FILIP1L: variants seen among roughly 807,000 people sequenced by gnomAD.
FILIP1L encodes filamin A interacting protein 1 like.
A neutral mutation model predicts 96.6 loss-of-function variants in FILIP1L; 55 were observed. The observed-to-expected ratio is 0.57, with a 90% confidence interval of 0.46 to 0.71. The LOEUF (loss-of-function observed/expected upper bound fraction) is 0.71, where lower values mean the gene tolerates loss of function less well. FILIP1L is among the 30% of genes least tolerant of loss of function. The pLI, the probability that FILIP1L is intolerant of heterozygous loss-of-function variation, is 0.00. For missense variants in FILIP1L, 1,304 were observed against 1,321.2 expected (o/e 0.99, Z 0.20); for synonymous variants, 467 against 473.9 (o/e 0.99, Z 0.19).
At chr3:99,925,862 G>T in intron 3 of FILIP1L, 2 of 985,418 alleles carry the variant, frequency 2.0e-6, no homozygotes, top group Non-Finnish European at 2.4e-6. Context: ...CACTGGGCTG[G>T]TTTATCAGCT....
At position 99,971,504 on chromosome 3, in the gene FILIP1L, G is replaced by T. The variant is rs1184910115; in HGVS notation, c.-10-40474C>A. On this transcript the variant is annotated intron_variant, in intron 1 of 5. Transcript: ENST00000477258. ...TACTGGTATGGGACTCAGGAATGAG[G>T]TCTCACAGGAGATGCAGATGAAAAT... is the stretch of plus-strand genomic sequence containing the variant. 4.6e-5 allele frequency among the ~76,000 whole-genome samples: 7 copies of T among 152,318 alleles called. 1 individual carries two copies. The South Asian group carries it at 1.2e-3, about 27-fold the overall frequency.
chr3:99,959,064 T>C (rs1246850941), intron 1 of FILIP1L, among the ~76,000 whole-genome samples: 1 of 152,234 alleles, frequency 6.6e-6, no homozygotes, highest in Non-Finnish European at 1.5e-5. Context: ...TGTAACAGAA[T>C]TTGAAAACAC....
chr3:99,942,117 C>T lies in FILIP1L; in HGVS notation c.-10-11087G>A, dbSNP rs1369835485. 2.0e-5 allele frequency among the ~76,000 whole-genome samples: 3 copies of T among 151,612 alleles called. No individual in the cohort carries two copies. The East Asian group carries it at 5.8e-4, about 29-fold the overall frequency. ...CTGTAGTCCTGAGGCAGGAGAATGG[C>T]GTGAACCTGGGAGGTGGAGCTTTGT... On this transcript the variant is annotated intron_variant, in intron 1 of 5. Transcript: ENST00000477258.
chr3:99,893,829 T>C (rs146635240), intron 4 of FILIP1L, among the ~76,000 whole-genome samples: 1 of 152,316 alleles, frequency 6.6e-6, no homozygotes, highest in Non-Finnish European at 1.5e-5. Context: ...AAAAATATCT[T>C]TAGGTTTTAC....
At chr3:100,061,080 A>G (rs1035941112) in intron 1 of FILIP1L, among the ~76,000 whole-genome samples, 3 of 152,106 alleles carry the variant, frequency 2.0e-5, no homozygotes, top group Non-Finnish European at 2.9e-5. Context: ...TGGCCAATAG[A>G]TGTGCACATA....
Position 99,856,596 on chromosome 3 carries a change from T to A in FILIP1L, c.606-5526A>T, listed in dbSNP as rs1943979145. 1.3e-5 allele frequency among the ~76,000 whole-genome samples: 2 copies of A among 152,240 alleles called. 1 individual carries two copies. The highest frequency in any genetic ancestry group is 4.1e-4 in the South Asian group (2 of 4,828). Reference sequence around the variant, plus strand: ...TACAGCTTTCCGTTAGAGTTTCTACTATGGCTCAGAATTGTTATAACTTAC... The same window carrying A: ...TACAGCTTTCCGTTAGAGTTTCTACAATGGCTCAGAATTGTTATAACTTAC... On this transcript the variant is annotated intron_variant, in intron 4 of 5. Transcript: ENST00000477258.
chr3:99,979,832 A>T (rs1321771296), intron 1 of FILIP1L, among the ~76,000 whole-genome samples: 1 of 152,212 alleles, frequency 6.6e-6, no homozygotes, highest in Non-Finnish European at 1.5e-5. Flanking sequence ...GGGAGACAAG[A>T]TGAGTTCACA....
At chr3:99,895,907 A>G (rs1020162595) in intron 4 of FILIP1L, among the ~76,000 whole-genome samples, 3 of 152,220 alleles carry the variant, frequency 2.0e-5, no homozygotes, top group South Asian at 2.1e-4. Context: ...AGGGCTGGAC[A>G]AAGGAACCCA....
chr3:99,847,681 A>T (rs1433781590), intron 5 of FILIP1L, among the ~76,000 whole-genome samples: 2 of 152,212 alleles, frequency 1.3e-5, no homozygotes, highest in Admixed American at 6.5e-5. Context: ...ATATATCCCA[A>T]GCATGAAGTT....
chr3:100,067,050 G>C (rs17314998), intron 1 of FILIP1L, among the ~76,000 whole-genome samples: 1 of 152,110 alleles, frequency 6.6e-6, no homozygotes, highest in Non-Finnish European at 1.5e-5. Context: ...AAGGGCAAGC[G>C]TGGACTGTGA....
chr3:99,833,631 T>G (rs1043954736), intron 5 of FILIP1L, among the ~76,000 whole-genome samples: 1 of 152,246 alleles, frequency 6.6e-6, no homozygotes, highest in Non-Finnish European at 1.5e-5. Flanking sequence ...TGTAAGTGCT[T>G]TGAACTTTTT....
Position 100,023,164 on chromosome 3 carries a change from A to G in FILIP1L, c.-11+90889T>C, listed in dbSNP as rs560305762. Among the ~76,000 whole-genome samples, 5 of 152,342 alleles carry G rather than the reference A, an allele frequency of 3.3e-5. No individual in the cohort carries two copies. In the East Asian group the frequency reaches 7.7e-4, roughly 24 times the overall value. On this transcript the variant is annotated intron_variant, in intron 1 of 5. Coordinates refer to ENST00000477258, the MANE Select transcript of FILIP1L (RefSeq NM_001387850.1). Reference sequence around the variant, plus strand: ...TATGTGCTACCTTCTGGCCCAGACCAGGTGGCTGGGTGTAGATGGACGTTG... The same window carrying G: ...TATGTGCTACCTTCTGGCCCAGACCGGGTGGCTGGGTGTAGATGGACGTTG...
At chr3:99,923,571 C>A (rs1046905742) in intron 4 of FILIP1L, among the ~76,000 whole-genome samples, 5 of 152,160 alleles carry the variant, frequency 3.3e-5, no homozygotes, top group African/African-American at 9.7e-5. Context: ...CATGCGCACA[C>A]CCCCCTCCCA....
intron 1 of FILIP1L, among the ~76,000 whole-genome samples, chr3:100,056,959 G>A (rs754883884): frequency 4.6e-5 from 7 of 152,002 alleles, no homozygotes; most frequent in South Asian, 2.1e-4. Context: ...AGCCGAGATC[G>A]CACCACTGCA....
intron 1 of FILIP1L, among the ~76,000 whole-genome samples, chr3:100,073,365 T>C (rs2065793179): frequency 6.6e-6 from 1 of 152,194 alleles, no homozygotes; most frequent in South Asian, 2.1e-4. Flanking sequence ...AAAAAAAGTT[T>C]GCTGGCCCAG....
In FILIP1L at chr3:99,929,844, T is replaced by C. The variant is rs779333764; in HGVS notation, c.426+12A>G. On this transcript the variant is annotated intron_variant, in intron 3 of 5. Coordinates refer to ENST00000477258, the MANE Select transcript of FILIP1L (RefSeq NM_001387850.1). ...CTGCCTCCCAGGTACACACCCCTATTGTGGTACATACCTCATTCATTGGTT... is the reference window on the plus strand; with the variant it reads ...CTGCCTCCCAGGTACACACCCCTATCGTGGTACATACCTCATTCATTGGTT... 17 of 1,602,100 alleles carry C rather than the reference T, an allele frequency of 1.1e-5. No individual in the cohort carries two copies. The highest frequency in any genetic ancestry group is 1.4e-5 in the Non-Finnish European group (16 of 1,174,184).
intron 1 of FILIP1L, among the ~76,000 whole-genome samples, chr3:100,065,477 T>C (rs752662001): frequency 6.6e-6 from 1 of 152,212 alleles, no homozygotes; most frequent in African/African-American, 2.4e-5. Context: ...CCACATATTG[T>C]CTGTATCCTC....
chr3:100,097,518 T>C (rs2066231960), intron 1 of FILIP1L, among the ~76,000 whole-genome samples: 1 of 152,228 alleles, frequency 6.6e-6, no homozygotes, highest in South Asian at 2.1e-4. Context: ...TATATCTCTC[T>C]ATTTTTAGAT....
intron 5 of FILIP1L, among the ~76,000 whole-genome samples, chr3:99,844,256 G>GC (rs544471854): frequency 9.0e-4 from 137 of 152,242 alleles, no homozygotes; most frequent in African/African-American, 3.0e-3. Context: ...TGGGCCCTAC[G>GC]CCCCCAGAGG....
Sources: gnomAD v4.1 joint callset for allele counts (sites outside exome capture counted in the v4.1 genomes callset) on GRCh38, gnomAD v4.1.1 for gene constraint, MANE v1.5 for transcripts, NCBI Gene and HGNC (gene_info 2026-07-23, HGNC 2026-07-21) for gene names.